The following ARSB variants were observed in gnomAD, a reference collection of about 807,000 sequenced individuals.
The protein encoded by ARSB is N-acetylgalactosamine-4-sulfatase.
A neutral mutation model predicts 50.9 loss-of-function variants in ARSB; 41 were observed. That is an observed-to-expected ratio of 0.81 (90% confidence interval 0.63 to 1.04). The LOEUF is 1.04. ARSB is among the 50% of genes least tolerant of loss of function. The pLI is 0.00. For missense variants in ARSB, 672 were observed against 693.3 expected (o/e 0.97, Z 0.35); for synonymous variants, 269 against 284.8 (o/e 0.94, Z 0.56).
At chr5:78,846,992 T>C (rs1041440846) in intron 5 of ARSB, among the ~76,000 whole-genome samples, 1 of 152,236 alleles carries the variant, frequency 6.6e-6, no homozygotes, top group Non-Finnish European at 1.5e-5. Context: ...CCTTTTTATG[T>C]ATCTATTGAG....
chr5:78,917,485 T>C (rs1749611595), intron 4 of ARSB, among the ~76,000 whole-genome samples: 1 of 152,206 alleles, frequency 6.6e-6, no homozygotes, highest in South Asian at 2.1e-4. Flanking sequence ...ATCACTGGTT[T>C]TTTAAAATGC....
chr5:78,836,536 T>C (rs1351856990), intron 6 of ARSB, among the ~76,000 whole-genome samples: 1 of 152,200 alleles, frequency 6.6e-6, no homozygotes, highest in Admixed American at 6.5e-5. Context: ...CATAGGAAAC[T>C]GAGTCCAAGA....
intron 4 of ARSB, among the ~76,000 whole-genome samples, chr5:78,933,930 AAGG>A (rs1372805083): frequency 2.0e-5 from 3 of 152,162 alleles, no homozygotes; most frequent in African/African-American, 7.2e-5. Context: ...AGAGAAGAAA[AAGG>A]AGGAGAGATT....
chr5:78,978,266 G>A (rs58263990), intron 1 of ARSB, among the ~76,000 whole-genome samples: 4 of 150,902 alleles, frequency 2.7e-5, no homozygotes, highest in African/African-American at 4.9e-5. Flanking sequence ...TTGAACCCAT[G>A]AGGCAGAGGT....
intron 5 of ARSB, among the ~76,000 whole-genome samples, chr5:78,874,470 A>G (rs1234201147): frequency 1.3e-5 from 2 of 152,176 alleles, no homozygotes; most frequent in Admixed American, 6.5e-5. Context: ...TTTAAATGTG[A>G]CAAACCAAAT....
chr5:78,862,983 C>T (rs997970068), intron 5 of ARSB, among the ~76,000 whole-genome samples: 2 of 152,158 alleles, frequency 1.3e-5, no homozygotes, highest in African/African-American at 4.8e-5. Context: ...GACATTTATG[C>T]AGCCAACAGA....
At chr5:78,782,217 T>C (rs1420970444) in intron 6 of ARSB, among the ~76,000 whole-genome samples, 1 of 152,242 alleles carries the variant, frequency 6.6e-6, no homozygotes, top group Non-Finnish European at 1.5e-5. Context: ...TAATTCATCC[T>C]TAAAATCGCT....
chr5:78,840,997 TA>T (rs1368319985), intron 5 of ARSB, among the ~76,000 whole-genome samples: 1 of 152,048 alleles, frequency 6.6e-6, no homozygotes, highest in African/African-American at 2.4e-5. Context: ...TTTGTGGGCT[TA>T]AAACCAAACA....
At chr5:78,828,951 C>G (rs1446203224) in intron 6 of ARSB, among the ~76,000 whole-genome samples, 1 of 152,322 alleles carries the variant, frequency 6.6e-6, no homozygotes, top group South Asian at 2.1e-4. Context: ...ACAGGTCAGA[C>G]AAGATGAGAT....
intron 6 of ARSB, among the ~76,000 whole-genome samples, chr5:78,798,098 C>T (rs1743243612): frequency 6.6e-6 from 1 of 152,190 alleles, no homozygotes; most frequent in South Asian, 2.1e-4. Context: ...AGAAAATGCA[C>T]TGAGCTTTTA....
intron 5 of ARSB, among the ~76,000 whole-genome samples, chr5:78,872,333 T>C (rs1436933748): frequency 2.0e-5 from 3 of 150,938 alleles, no homozygotes; most frequent in African/African-American, 7.3e-5. Context: ...CCCAAATGAC[T>C]ATAAATCATG....
At chr5:78,813,184 C>T (rs1743878858) in intron 6 of ARSB, among the ~76,000 whole-genome samples, 1 of 152,018 alleles carries the variant, frequency 6.6e-6, no homozygotes, top group Non-Finnish European at 1.5e-5. Context: ...CCTGCCTCAG[C>T]CTCCCAGGTA....
chr5:78,856,346 A>G (rs985894828), intron 5 of ARSB, among the ~76,000 whole-genome samples: 1 of 152,182 alleles, frequency 6.6e-6, no homozygotes, highest in Non-Finnish European at 1.5e-5. Flanking sequence ...ACACTTAGGT[A>G]AGAAGTCCAT....
chr5:78,797,748 T>C (rs1580978501), intron 6 of ARSB, among the ~76,000 whole-genome samples: 1 of 152,304 alleles, frequency 6.6e-6, no homozygotes. Context: ...GGGTAACCCC[T>C]CTCTAATGTC....
intron 6 of ARSB, among the ~76,000 whole-genome samples, chr5:78,817,921 G>A (rs7716141): frequency 0.11 from 17,308 of 152,184 alleles, 1,076 homozygotes; most frequent in East Asian, 0.22. Flanking sequence ...CAAGGCAGGT[G>A]GATCACTTGA....
intron 6 of ARSB, among the ~76,000 whole-genome samples, chr5:78,791,566 G>A (rs1749235971): frequency 6.6e-6 from 1 of 152,366 alleles, no homozygotes; most frequent in South Asian, 2.1e-4. Context: ...CCGCATCTGA[G>A]CGACTGCGCT....
chr5:78,805,180 T>C (rs1372734297), intron 6 of ARSB, among the ~76,000 whole-genome samples: 1 of 152,218 alleles, frequency 6.6e-6, no homozygotes. Flanking sequence ...AGCCTTTTCC[T>C]AATAATTGCT....
chr5:78,985,552 T>G, upstream of ARSB: 1 of 214,814 alleles, frequency 4.7e-6, no homozygotes, highest in Non-Finnish European at 8.9e-6. Flanking sequence ...ATTTGCACTG[T>G]GGTTTCCTAA....
intron 5 of ARSB, among the ~76,000 whole-genome samples, chr5:78,851,603 C>A (rs1200857513): frequency 6.6e-6 from 1 of 152,016 alleles, no homozygotes; most frequent in African/African-American, 2.4e-5. Context: ...GAGTTCAATT[C>A]CTGGGTATCT....
Sources: allele counts gnomAD v4.1 joint callset (sites outside exome capture counted in the v4.1 genomes callset), GRCh38; gene constraint gnomAD v4.1.1; transcripts MANE v1.5; gene names NCBI Gene and HGNC (gene_info 2026-07-23, HGNC 2026-07-21).